RAB40C: variants seen among roughly 807,000 people sequenced by gnomAD.
The protein encoded by RAB40C is RAB40C, member RAS oncogene family.
Under a neutral mutation model 28.1 loss-of-function variants are expected in RAB40C, and 8 were observed. The observed-to-expected ratio is 0.28, with a 90% CI of 0.17 to 0.51. The LOEUF (loss-of-function observed/expected upper bound fraction) is 0.51. RAB40C is among the 20% of genes least tolerant of loss of function. The pLI is 0.97. For missense variants in RAB40C, 288 were observed against 405.9 expected, an observed-to-expected ratio of 0.71 and a Z score of 2.50; for synonymous variants, 201 against 171.7, an observed-to-expected ratio of 1.17 and a Z score of -1.34.
intron 2 of RAB40C, 78 bp downstream of exon 2, chr16:617,346 A>T (rs565029650): frequency 6.5e-7 from 1 of 1,545,080 alleles, no homozygotes; most frequent in Non-Finnish European, 8.9e-7. Flanking sequence ...TTAGAGAAAC[A>T]GGAAGGCGTC....
intron 3 of RAB40C, chr16:624,704 G>C: frequency 1.0e-6 from 1 of 985,478 alleles, no homozygotes; most frequent in Non-Finnish European, 1.2e-6. Context: ...TCTGGTTGCA[G>C]AATTGTAGGG....
At chr16:600,665 C>T (rs920271905) in intron 1 of RAB40C, among the ~76,000 whole-genome samples, 10 of 152,186 alleles carry the variant, frequency 6.6e-5, no homozygotes, top group African/African-American at 2.2e-4. Context: ...GCAGGAGAAT[C>T]GCTTGAACCT....
intron 1 of RAB40C, among the ~76,000 whole-genome samples, chr16:615,560 A>G (rs1001165784): frequency 1.3e-5 from 2 of 152,332 alleles, no homozygotes; most frequent in Middle Eastern, 3.4e-3. Flanking sequence ...GAGGGCCCAG[A>G]GCCTGTTTAA....
chr16:624,904 G>A, intron 3 of RAB40C: 1 of 1,279,818 alleles, frequency 7.8e-7, no homozygotes, highest in Non-Finnish European at 1.0e-6. Context: ...GGTCTCTAAG[G>A]GATGTGGCAA....
chr16:628,687 T>G lies in RAB40C; in HGVS notation c.*1065T>G, dbSNP rs1409178224. 6.6e-6 allele frequency: 1 copy of G among 152,604 alleles called. No homozygotes were observed. Among genetic ancestry groups the G allele is most frequent in the Admixed American group, 6.5e-5 (1 of 15,288 alleles). The allele number at this position is 152,604 out of a possible 1,614,324, so 9.5% of individuals were successfully genotyped here. Reference sequence around the variant, plus strand: ...CCAGGCACGCAGGGCCGGCCACCTCTCTCCTGAAGCCATTGGCCGCTCCTC... The same window carrying G: ...CCAGGCACGCAGGGCCGGCCACCTCGCTCCTGAAGCCATTGGCCGCTCCTC... On this transcript the variant is annotated 3_prime_UTR_variant, in exon 6 of 6. Coordinates refer to ENST00000248139, the MANE Select transcript of RAB40C (RefSeq NM_021168.5).
At chr16:614,168 GGTGAACTGCCGAACTCTACCGCATCCCT>G in intron 1 of RAB40C, among the ~76,000 whole-genome samples, 1 of 103,666 alleles carries the variant, frequency 9.6e-6, no homozygotes, top group Admixed American at 8.2e-5. Context: ...GCATCCCGAT[GGTGAACTGCCGAACTCTACCGCATCCCT>G]ATGGTGAACT....
intron 1 of RAB40C, among the ~76,000 whole-genome samples, chr16:607,250 G>A (rs776721781): frequency 3.3e-5 from 5 of 152,022 alleles, no homozygotes; most frequent in East Asian, 1.9e-4. Context: ...TCATCCCAGC[G>A]CTTTGGGAGG....
chr16:627,640 G>A lies in RAB40C; in HGVS notation c.*18G>A, dbSNP rs199989400. 1.0e-4 allele frequency: 157 copies of A among 1,557,734 alleles called. No homozygotes were observed. The Middle Eastern group carries it at 3.3e-3, about 33-fold the overall frequency. On this transcript the variant is annotated 3_prime_UTR_variant, in exon 6 of 6. Transcript: ENST00000248139. ...TCTCCTAGCGGGGATGGGCGGGGCC[G>A]CCTGTGCAGATGCCAGGAGGGCTCG...
chr16:618,817 TGTA>T (rs2036648945), intron 3 of RAB40C, among the ~76,000 whole-genome samples: 1 of 122,642 alleles, frequency 8.2e-6, no homozygotes, highest in South Asian at 3.0e-4. Flanking sequence ...TGTGCACAGG[TGTA>T]GTGGGTGCAC....
rs200028275 is a variant in RAB40C, at chr16:623,024, C to A, written c.265-2408C>A. On this transcript the variant is annotated intron_variant, in intron 3 of 5. Coordinates refer to ENST00000248139, the MANE Select transcript of RAB40C (RefSeq NM_021168.5). ...CTGTGACCCACGCCGGAGCAAGCCT[C>A]CGGGTCCTCCTGTGCCATCGCCCCT... Among the ~76,000 whole-genome samples the A allele has an allele frequency of 5.3e-5, 8 of 152,264 alleles. No individual in the cohort carries two copies. The East Asian group carries it at 1.6e-3, about 30-fold the overall frequency.
intron 1 of RAB40C, among the ~76,000 whole-genome samples, chr16:602,433 A>ATTTTTTT: frequency 1.3e-5 from 2 of 151,300 alleles, no homozygotes; most frequent in South Asian, 2.1e-4. Flanking sequence ...TTTTTAATAA[A>ATTTTTTT]TTATTTTTTT....
intron 1 of RAB40C, chr16:616,909 C>T (rs545624370): frequency 3.6e-5 from 15 of 415,336 alleles, no homozygotes; most frequent in Middle Eastern, 6.7e-4. Flanking sequence ...CCAGGCAAGC[C>T]GTGCCCATGG....
Position 590,083 on chromosome 16 carries a change from G to C in RAB40C, c.-209G>C, listed in dbSNP as rs1237936874. Reference sequence around the variant, plus strand: ...GGGGTGGGGCGGCGCGGCGGCCCTGGTGGTGCGGGAAGCGGCGGGGCGGCG... The same window carrying C: ...GGGGTGGGGCGGCGCGGCGGCCCTGCTGGTGCGGGAAGCGGCGGGGCGGCG... On this transcript the variant is annotated 5_prime_UTR_variant, in exon 1 of 6. Coordinates refer to ENST00000248139, the MANE Select transcript of RAB40C (RefSeq NM_021168.5). 2 of 158,776 alleles carry C rather than the reference G, an allele frequency of 1.3e-5. No individual in the cohort carries two copies. The highest frequency in any genetic ancestry group is 1.7e-4 in the South Asian group (1 of 5,822). 9.8% of individuals were successfully genotyped at this position (158,776 alleles called of 1,614,324 possible).
rs374633425 is a variant in RAB40C at position 611,243 on chromosome 16, C to A, written c.143-5965C>A. Among the ~76,000 whole-genome samples the A allele has an allele frequency of 4.6e-5, 7 of 152,330 alleles. No individual in the cohort carries two copies. In the East Asian group the frequency reaches 1.2e-3, roughly 25 times the overall value. On this transcript the variant is annotated intron_variant, in intron 1 of 5. Coordinates refer to ENST00000248139, the MANE Select transcript of RAB40C (RefSeq NM_021168.5). The stretch of plus-strand genomic sequence containing the variant: ...CCCGTTCCTTTTGCAGCAGCCATGG[C>A]TCCTGGTGGCCCTGGGCCATGGCGC...
rs151174150 is a variant in RAB40C, at chr16:601,954, C to T, written c.142+11521C>T. ...CATCCTGGCCAGCATGGTGAAACTC[C>T]GTCTCTACTGAAAATATAAAAGTTA... On this transcript the variant is annotated intron_variant, in intron 1 of 5. Coordinates refer to ENST00000248139, the MANE Select transcript of RAB40C (RefSeq NM_021168.5). Among the ~76,000 whole-genome samples the T allele has an allele frequency of 2.3e-3, 346 of 151,540 alleles. 1 individual carries two copies. The highest frequency in any genetic ancestry group is 6.8e-3 in the African/African-American group (282 of 41,310).
At position 610,793 on chromosome 16, in the gene RAB40C, C is replaced by T. The variant is rs893521125; in HGVS notation, c.143-6415C>T. Among the ~76,000 whole-genome samples, 1 of 150,244 alleles carries T rather than the reference C, an allele frequency of 6.7e-6. No homozygotes were observed. Among genetic ancestry groups the T allele is most frequent in the African/African-American group, 2.4e-5 (1 of 41,072 alleles). On this transcript the variant is annotated intron_variant, in intron 1 of 5. Transcript: ENST00000248139. This position sits in a 1 kb window ranked among gnomAD's most constrained non-coding sequence, Gnocchi z 4.6. Reference sequence around the variant, plus strand: ...CCTGACCCTGCCTGGATAATTGAGACCTTCCAGGCCAAGGGCCCCCTCCCC... The same window carrying T: ...CCTGACCCTGCCTGGATAATTGAGATCTTCCAGGCCAAGGGCCCCCTCCCC...
At chr16:608,364 G>A (rs1436013005) in intron 1 of RAB40C, among the ~76,000 whole-genome samples, 1 of 152,194 alleles carries the variant, frequency 6.6e-6, no homozygotes, top group African/African-American at 2.4e-5. Flanking sequence ...GGTGAGATTT[G>A]GGCGGGGACA....
intron 3 of RAB40C, 92 bp from the exon 4 acceptor site, chr16:625,340 C>T (rs987079674): frequency 1.5e-5 from 23 of 1,546,916 alleles, no homozygotes; most frequent in Middle Eastern, 1.7e-4. Context: ...TGGCCCTGCC[C>T]GGGAACTGAG....
intron 1 of RAB40C, among the ~76,000 whole-genome samples, chr16:598,002 T>C (rs1358045531): frequency 6.7e-6 from 1 of 148,168 alleles, no homozygotes; most frequent in Admixed American, 6.7e-5. Context: ...ATTCCAGCAC[T>C]TTGGGAGGCC....
Sources: gnomAD v4.1 joint callset for allele counts (sites outside exome capture counted in the v4.1 genomes callset) on GRCh38, gnomAD v4.1.1 for gene constraint, Gnocchi (gnomAD v3.1) non-coding constraint, MANE v1.5 for transcripts, NCBI Gene and HGNC (gene_info 2026-07-23, HGNC 2026-07-21) for gene names.